DPP10: variants seen among roughly 807,000 people sequenced by gnomAD.
The protein encoded by DPP10 is inactive dipeptidyl peptidase 10.
In DPP10, 33 loss-of-function variants were observed where a neutral mutation model predicts 120.9. That is an observed-to-expected ratio of 0.27 (90% confidence interval 0.21 to 0.37). The LOEUF is 0.37. Ranked by LOEUF, DPP10 falls within the 10% of genes least tolerant of loss-of-function variation. DPP10 has a pLI of 1.00. For synonymous variants in DPP10, 337 were observed against 326.1 expected (o/e 1.03, Z -0.36); for missense variants, 816 against 942.8 (o/e 0.87, Z 1.76).
intron 1 of DPP10, among the ~76,000 whole-genome samples, chr2:115,220,733 A>G (rs1374090630): frequency 6.6e-6 from 1 of 152,174 alleles, no homozygotes; most frequent in Non-Finnish European, 1.5e-5. Context: ...CTGAAAACAA[A>G]ACAAATCACT....
intron 1 of DPP10, among the ~76,000 whole-genome samples, chr2:114,852,547 G>A (rs1689038645): frequency 6.6e-6 from 1 of 152,018 alleles, no homozygotes; most frequent in Non-Finnish European, 1.5e-5. Context: ...AAGTACACAA[G>A]AATGTGTGTA....
chr2:114,555,077 G>T (rs1002759130), intron 1 of DPP10, among the ~76,000 whole-genome samples: 2 of 152,130 alleles, frequency 1.3e-5, no homozygotes, highest in African/African-American at 4.8e-5. Flanking sequence ...CTATTTCCTG[G>T]GATTGGTGCT....
chr2:115,727,693 A>G, intron 7 of DPP10, 123 bp from the exon 8 acceptor site: 1 of 1,113,370 alleles, frequency 9.0e-7, no homozygotes, highest in Admixed American at 3.8e-5. Context: ...GCCTTGAATA[A>G]AAACAACTTG....
intron 1 of DPP10, among the ~76,000 whole-genome samples, chr2:114,683,922 A>G (rs1699198962): frequency 6.6e-6 from 1 of 151,994 alleles, no homozygotes; most frequent in Non-Finnish European, 1.5e-5. Context: ...TGTTTAAGTA[A>G]GACATGGCCA....
chr2:114,444,925 A>C (rs1677855664), intron 1 of DPP10, among the ~76,000 whole-genome samples: 2 of 152,162 alleles, frequency 1.3e-5, no homozygotes, highest in Non-Finnish European at 2.9e-5. Flanking sequence ...GCAATAGTGA[A>C]AAGGGATGAG....
At chr2:115,414,614 C>G (rs1227413667) in intron 3 of DPP10, among the ~76,000 whole-genome samples, 1 of 152,090 alleles carries the variant, frequency 6.6e-6, no homozygotes, top group Non-Finnish European at 1.5e-5. Flanking sequence ...ATTTTTGAAA[C>G]ATTTTGAGCG....
intron 1 of DPP10, among the ~76,000 whole-genome samples, chr2:114,751,540 G>C (rs920919621): frequency 1.3e-5 from 2 of 152,170 alleles, no homozygotes; most frequent in Non-Finnish European, 2.9e-5. Context: ...GATCTGAAAA[G>C]GTTGCTAGCG....
intron 1 of DPP10, among the ~76,000 whole-genome samples, chr2:114,985,807 G>C (rs576975192): frequency 6.6e-6 from 1 of 152,290 alleles, no homozygotes; most frequent in South Asian, 2.1e-4. Context: ...TACCTGTTGC[G>C]TGTGTGTAAT....
intron 3 of DPP10, among the ~76,000 whole-genome samples, chr2:115,490,121 A>G (rs185929957): frequency 2.2e-4 from 34 of 152,220 alleles, no homozygotes; most frequent in Admixed American, 2.0e-3. Flanking sequence ...CCTTCCTTGT[A>G]TTTATTTATA....
intron 1 of DPP10, among the ~76,000 whole-genome samples, chr2:115,229,791 T>C (rs567783517): frequency 1.3e-5 from 2 of 151,852 alleles, no homozygotes; most frequent in Non-Finnish European, 2.9e-5. Flanking sequence ...GCATGTTGTT[T>C]GTTCACTATA....
intron 17 of DPP10, among the ~76,000 whole-genome samples, chr2:115,789,953 TTTC>T (rs1683758260): frequency 6.6e-6 from 1 of 152,204 alleles, no homozygotes; most frequent in Non-Finnish European, 1.5e-5. Context: ...AAGACTCAGA[TTTC>T]TACAGACATA....
intron 1 of DPP10, among the ~76,000 whole-genome samples, chr2:114,926,486 C>A (rs1390235684): frequency 1.3e-5 from 2 of 152,208 alleles, no homozygotes. Context: ...AAAAGCCCTT[C>A]CTTGGAGCAA....
chr2:114,558,364 A>G (rs1688490252), intron 1 of DPP10, among the ~76,000 whole-genome samples: 1 of 152,108 alleles, frequency 6.6e-6, no homozygotes, highest in Non-Finnish European at 1.5e-5. Context: ...TCGAGTTTTT[A>G]TTTGTCTCAG....
chr2:115,774,214 AC>A (rs1353152249), intron 13 of DPP10, among the ~76,000 whole-genome samples: 27 of 143,760 alleles, frequency 1.9e-4, no homozygotes, highest in Non-Finnish European at 3.6e-4. Flanking sequence ...ACACATACAC[AC>A]ACACACACAC....
At chr2:114,449,795 AGT>A (rs1228609648) in intron 1 of DPP10, among the ~76,000 whole-genome samples, 1 of 152,224 alleles carries the variant, frequency 6.6e-6, no homozygotes, top group Non-Finnish European at 1.5e-5. Flanking sequence ...GGAGTTGTAT[AGT>A]GAGAATCAAT....
chr2:115,111,287 G>A (rs927580082), intron 1 of DPP10, among the ~76,000 whole-genome samples: 24 of 149,908 alleles, frequency 1.6e-4, no homozygotes, highest in Admixed American at 1.0e-3. Context: ...AATGCTCATT[G>A]GTTTCCCAGT....
At chr2:115,145,664 C>T (rs996672255) in intron 1 of DPP10, among the ~76,000 whole-genome samples, 1 of 152,014 alleles carries the variant, frequency 6.6e-6, no homozygotes, top group African/African-American at 2.4e-5. Context: ...TGGATAAACA[C>T]CAAGAAGTGC....
intron 1 of DPP10, among the ~76,000 whole-genome samples, chr2:115,205,702 A>G (rs1315040374): frequency 6.6e-6 from 1 of 152,206 alleles, no homozygotes; most frequent in Non-Finnish European, 1.5e-5. Context: ...CGGCCGTAAA[A>G]AAGAATGAAA....
In DPP10 at chr2:115,045,203, G is replaced by T. The variant is rs531229360; in HGVS notation, c.61-264036G>T. ...CCTGAGGAATATTCTAGGATAAAAA[G>T]ATTTTTGTTTTCTTTCAGCACTTTA... On this transcript the variant is annotated intron_variant, in intron 1 of 25. Coordinates refer to ENST00000410059, the MANE Select transcript of DPP10 (RefSeq NM_020868.6). Among the ~76,000 whole-genome samples the T allele has an allele frequency of 9.7e-4, 148 of 152,210 alleles. 1 individual carries two copies. The Middle Eastern group carries it at 0.02, about 21-fold the overall frequency.
Sources: allele counts gnomAD v4.1 joint callset (sites outside exome capture counted in the v4.1 genomes callset), GRCh38; gene constraint gnomAD v4.1.1; transcripts MANE v1.5; gene names NCBI Gene and HGNC (gene_info 2026-07-23, HGNC 2026-07-21).